QTMAN: variants seen among roughly 807,000 people sequenced by gnomAD.
QTMAN encodes the protein queuosine-tRNA mannosyltransferase.
At chr2:144,230,688 C>T in the QTMAN span, among the ~76,000 whole-genome samples, 1 of 152,182 alleles carries the variant, frequency 6.6e-6, no homozygotes. Flanking sequence ...CACATGGACA[C>T]AGCTGGAACC....
the QTMAN span, among the ~76,000 whole-genome samples, chr2:144,220,840 G>T: frequency 2.6e-5 from 4 of 152,286 alleles, no homozygotes; most frequent in East Asian, 7.7e-4. Context: ...TATAATAGTT[G>T]TTGAATTGAT....
chr2:144,036,860 T>C, the QTMAN span, among the ~76,000 whole-genome samples: 1 of 152,162 alleles, frequency 6.6e-6, no homozygotes, highest in Non-Finnish European at 1.5e-5. Flanking sequence ...AGTCTGAAGA[T>C]AGAAATAGCC....
At chr2:143,947,317 C>G in the QTMAN span, among the ~76,000 whole-genome samples, 1 of 152,136 alleles carries the variant, frequency 6.6e-6, no homozygotes, top group Non-Finnish European at 1.5e-5. Context: ...TCTGATTGGT[C>G]TAAAGTGTCG....
the QTMAN span, among the ~76,000 whole-genome samples, chr2:144,229,874 C>T: frequency 6.6e-6 from 1 of 152,138 alleles, no homozygotes; most frequent in African/African-American, 2.4e-5. Context: ...GAGGCTTCCT[C>T]TGTAAAACAG....
the QTMAN span, among the ~76,000 whole-genome samples, chr2:144,299,905 T>C: frequency 1.3e-5 from 2 of 152,262 alleles, no homozygotes; most frequent in African/African-American, 4.8e-5. Flanking sequence ...ATGTGGTATA[T>C]GTATATACAA....
the QTMAN span, among the ~76,000 whole-genome samples, chr2:144,110,194 T>C: frequency 6.6e-6 from 1 of 152,146 alleles, no homozygotes; most frequent in African/African-American, 2.4e-5. Flanking sequence ...ATATATACCA[T>C]GGAATACTAT....
At chr2:144,287,986 C>G in the QTMAN span, among the ~76,000 whole-genome samples, 1 of 152,212 alleles carries the variant, frequency 6.6e-6, no homozygotes, top group East Asian at 1.9e-4. Flanking sequence ...TCCCAAGTAG[C>G]TGGGATTACA....
At chr2:144,124,211 T>C in the QTMAN span, among the ~76,000 whole-genome samples, 1 of 152,124 alleles carries the variant, frequency 6.6e-6, no homozygotes, top group African/African-American at 2.4e-5. Context: ...GCAAGTGCCA[T>C]ACCAGTGATC....
the QTMAN span, among the ~76,000 whole-genome samples, chr2:144,181,552 C>A: frequency 6.6e-6 from 1 of 152,166 alleles, no homozygotes; most frequent in Middle Eastern, 3.4e-3. Flanking sequence ...GTGTCTCATG[C>A]CTGTAATCTC....
chr2:144,263,964 T>C, the QTMAN span, among the ~76,000 whole-genome samples: 1 of 151,928 alleles, frequency 6.6e-6, no homozygotes, highest in Non-Finnish European at 1.5e-5. Context: ...AGCACTATGA[T>C]AGAAACATTA....
the QTMAN span, among the ~76,000 whole-genome samples, chr2:144,032,071 C>T: frequency 2.9e-4 from 44 of 152,264 alleles, no homozygotes; most frequent in Admixed American, 1.4e-3. Flanking sequence ...GCATGAGCCA[C>T]CGCTCCGGGC....
the QTMAN span, among the ~76,000 whole-genome samples, chr2:144,013,362 A>T: frequency 1.6e-4 from 25 of 152,148 alleles, no homozygotes; most frequent in African/African-American, 5.1e-4. Flanking sequence ...TACTCTGGGA[A>T]ATACTACTTG....
At chr2:144,248,736 C>CT in the QTMAN span, among the ~76,000 whole-genome samples, 1 of 149,932 alleles carries the variant, frequency 6.7e-6, no homozygotes, top group East Asian at 1.9e-4. Context: ...TGAGTAAAGT[C>CT]TTTTTTTAAC....
At chr2:144,302,136 C>T in the QTMAN span, among the ~76,000 whole-genome samples, 1 of 152,120 alleles carries the variant, frequency 6.6e-6, no homozygotes, top group Non-Finnish European at 1.5e-5. Context: ...CTCATCTCCA[C>T]ACTTAGGGCA....
At chr2:144,036,706 C>T in the QTMAN span, among the ~76,000 whole-genome samples, 1 of 152,114 alleles carries the variant, frequency 6.6e-6, no homozygotes, top group African/African-American at 2.4e-5. Flanking sequence ...TTTAAAGGAT[C>T]CAGTTTCAAA....
the QTMAN span, among the ~76,000 whole-genome samples, chr2:144,062,614 GCTTT>G: frequency 6.6e-6 from 1 of 152,092 alleles, no homozygotes; most frequent in Admixed American, 6.5e-5. Context: ...TTTACTAAGG[GCTTT>G]CTAATTTGTC....
At chr2:144,099,602 G>A in the QTMAN span, among the ~76,000 whole-genome samples, 10 of 152,142 alleles carry the variant, frequency 6.6e-5, no homozygotes, top group African/African-American at 1.9e-4. Flanking sequence ...AATTGTGTAC[G>A]TCTCCTTCTT....
At chr2:144,299,833 T>C in the QTMAN span, among the ~76,000 whole-genome samples, 1 of 152,208 alleles carries the variant, frequency 6.6e-6, no homozygotes, top group African/African-American at 2.4e-5. Flanking sequence ...ACATTCATAG[T>C]AGCATTGCTC....
At chr2:144,307,058 G>A in the QTMAN span, among the ~76,000 whole-genome samples, 243 of 151,120 alleles carry the variant, frequency 1.6e-3, no homozygotes, top group Non-Finnish European at 2.3e-3. Flanking sequence ...CTACTGGGGA[G>A]GCTGAGGCAG....
Sources: gnomAD v4.1 joint callset for allele counts (sites outside exome capture counted in the v4.1 genomes callset) on GRCh38, gnomAD v4.1.1 for gene constraint, MANE v1.5 for transcripts, NCBI Gene and HGNC (gene_info 2026-07-23, HGNC 2026-07-21) for gene names.